TTC7A: variants seen among roughly 807,000 people sequenced by gnomAD.
The protein encoded by TTC7A is tetratricopeptide repeat domain 7A.
Under a neutral mutation model 103.7 loss-of-function variants are expected in TTC7A, and 110 were observed. The ratio of observed to expected loss-of-function variants is 1.06; its 90% CI spans 0.91 to 1.24. The LOEUF (loss-of-function observed/expected upper bound fraction) is 1.24, where lower values mean the gene tolerates loss of function less well. Ranked by LOEUF, TTC7A falls within the 50% of genes most tolerant of loss-of-function variation. TTC7A has a pLI of 0.00. For missense variants in TTC7A, 1,340 were observed against 1,116.3 expected, an observed-to-expected ratio of 1.20 and a Z score of -2.86; for synonymous variants, 521 against 467.9, an observed-to-expected ratio of 1.11 and a Z score of -1.47.
intron 3 of TTC7A, among the ~76,000 whole-genome samples, chr2:46,968,905 A>G (rs1057323779): frequency 1.4e-5 from 2 of 147,520 alleles, no homozygotes; most frequent in African/African-American, 5.0e-5. Context: ...ATTGGTCTCC[A>G]CCCCAGGCAA....
chr2:46,968,583 CT>C (rs1673062615), intron 3 of TTC7A, among the ~76,000 whole-genome samples: 1 of 152,278 alleles, frequency 6.6e-6, no homozygotes, highest in Middle Eastern at 3.4e-3. Context: ...GGACTGTGAC[CT>C]TGCTTAGGAA....
chr2:47,070,936 C>G (rs896276841), intron 19 of TTC7A, among the ~76,000 whole-genome samples: 1 of 152,200 alleles, frequency 6.6e-6, no homozygotes, highest in African/African-American at 2.4e-5. Context: ...CTCAGCAGAT[C>G]TGGTCTCCTC....
intron 15 of TTC7A, chr2:47,045,471 C>T (rs1682215233): frequency 6.6e-6 from 1 of 152,298 alleles, no homozygotes; most frequent in Non-Finnish European, 1.5e-5. Context: ...ACCAGCTCTT[C>T]TTCTCAACCA....
chr2:47,001,630 G>T (rs867911146), intron 8 of TTC7A, among the ~76,000 whole-genome samples: 2 of 152,168 alleles, frequency 1.3e-5, no homozygotes, highest in African/African-American at 4.8e-5. Flanking sequence ...GCCGAGGCGG[G>T]CGGATCACTT....
intron 15 of TTC7A, among the ~76,000 whole-genome samples, chr2:47,032,033 C>T (rs1680596296): frequency 6.6e-6 from 1 of 152,222 alleles, no homozygotes; most frequent in South Asian, 2.1e-4. Flanking sequence ...TGCTGCTGCC[C>T]TGCCTCAACA....
At chr2:46,926,599 G>A (rs557180017) in intron 2 of TTC7A, among the ~76,000 whole-genome samples, 1 of 152,296 alleles carries the variant, frequency 6.6e-6, no homozygotes, top group East Asian at 1.9e-4. Context: ...TGAATAAGGT[G>A]ATTTCAGATT....
At chr2:47,017,706 T>G (rs1241465309) in intron 11 of TTC7A, among the ~76,000 whole-genome samples, 1 of 152,142 alleles carries the variant, frequency 6.6e-6, no homozygotes, top group Non-Finnish European at 1.5e-5. Flanking sequence ...TGCCAACTTA[T>G]GCTCATGTAG....
At chr2:46,917,766 T>G (rs1375682107) in intron 2 of TTC7A, among the ~76,000 whole-genome samples, 1 of 152,196 alleles carries the variant, frequency 6.6e-6, no homozygotes, top group African/African-American at 2.4e-5. Flanking sequence ...CTCTTTGATC[T>G]CTTGTTTTTA....
intron 3 of TTC7A, among the ~76,000 whole-genome samples, chr2:46,957,671 G>A (rs6727651): frequency 0.68 from 103,230 of 152,006 alleles, 35,393 homozygotes; most frequent in East Asian, 0.74. Flanking sequence ...CCAGCTGGGG[G>A]AATCGTGCCA....
chr2:47,042,510 A>G (rs1181377542), intron 15 of TTC7A, among the ~76,000 whole-genome samples: 2 of 152,192 alleles, frequency 1.3e-5, no homozygotes, highest in Admixed American at 1.3e-4. Context: ...CTTTAAAAAA[A>G]AAAAGGAAAT....
At chr2:47,019,863 A>G (rs1401690215) in intron 11 of TTC7A, among the ~76,000 whole-genome samples, 1 of 152,162 alleles carries the variant, frequency 6.6e-6, no homozygotes, top group Non-Finnish European at 1.5e-5. Context: ...AATGCCTGAG[A>G]TAGTGTGTGA....
chr2:46,967,261 C>T lies in TTC7A; in HGVS notation c.518-7712C>T, dbSNP rs149265214. Among the ~76,000 whole-genome samples, 959 of 152,192 alleles carry T rather than the reference C, an allele frequency of 6.3e-3. 9 individuals are homozygous for T. The highest frequency in any genetic ancestry group is 0.022 in the African/African-American group (902 of 41,510). ...CATACCATAGAATTGACCATCTTAA[C>T]CACTTTTAAGCGTACAGTTCGGTAC... On this transcript the variant is annotated intron_variant, in intron 3 of 19. Transcript: ENST00000319190.
chr2:46,978,941 G>C, intron 5 of TTC7A, 34 bp downstream of exon 5: 1 of 1,498,698 alleles, frequency 6.7e-7, no homozygotes, highest in South Asian at 1.1e-5. Flanking sequence ...GTGGGAGAAC[G>C]ATTCCCCTGG....
chr2:47,060,950 C>A lies in TTC7A; in HGVS notation c.2334C>A (p.Gly778=). Residue 778 remains glycine (G), a synonymous_variant, in exon 19 of 20, where the codon GGC becomes GGA. Coordinates refer to ENST00000319190, the MANE Select transcript of TTC7A (RefSeq NM_020458.4). ...YKEALTVNPD[G]VRIMHSLGLM... ...AGGCGCTCACGGTGAACCCAGATGG[C>A]GTGCGCATCATGCATAGCCTGGTGA... 2 of 1,613,194 alleles carry A rather than the reference C, an allele frequency of 1.2e-6. No homozygotes were observed. The highest frequency in any genetic ancestry group is 1.7e-6 in the Non-Finnish European group (2 of 1,179,622).
intron 11 of TTC7A, among the ~76,000 whole-genome samples, chr2:47,014,845 G>C (rs1375027059): frequency 6.6e-6 from 1 of 152,262 alleles, no homozygotes; most frequent in Non-Finnish European, 1.5e-5. Flanking sequence ...GCTGGACTGG[G>C]TGGCCATGTG....
intron 19 of TTC7A, 62 bp downstream of exon 19, chr2:47,061,033 C>T: frequency 6.7e-7 from 1 of 1,481,600 alleles, no homozygotes. Flanking sequence ...CCTTATCCCG[C>T]TTTGTCCCTC....
At chr2:46,990,871 G>GA (rs1375655452) in intron 5 of TTC7A, among the ~76,000 whole-genome samples, 1 of 152,162 alleles carries the variant, frequency 6.6e-6, no homozygotes, top group African/African-American at 2.4e-5. Context: ...CCCCCCTGGT[G>GA]ATCTGATAAA....
intron 3 of TTC7A, among the ~76,000 whole-genome samples, chr2:46,971,984 G>C (rs1572769151): frequency 6.7e-6 from 1 of 149,204 alleles, no homozygotes. Flanking sequence ...GGCAGGGAGG[G>C]AGGGAGGAAG....
intron 19 of TTC7A, 142 bp from the exon 20 acceptor site, chr2:47,073,560 C>CT: frequency 1.4e-6 from 1 of 712,722 alleles, no homozygotes. Flanking sequence ...GGCACAGTCA[C>CT]TTAACAGTGC....
Sources: gnomAD v4.1 joint callset for allele counts (sites outside exome capture counted in the v4.1 genomes callset) on GRCh38, gnomAD v4.1.1 for gene constraint, MANE v1.5 for transcripts, NCBI Gene and HGNC (gene_info 2026-07-23, HGNC 2026-07-21) for gene names.